Variants in GPR158 observed in about 807,000 individuals in gnomAD.
GPR158 encodes the protein metabotropic glycine receptor.
A neutral mutation model predicts 78.2 loss-of-function variants in GPR158; 30 were observed. That is an observed-to-expected ratio of 0.38 (90% CI 0.29 to 0.52). The LOEUF (loss-of-function observed/expected upper bound fraction) is 0.52. Among genes scored for constraint, GPR158 ranks in the 20% least tolerant of loss-of-function variants. The pLI, the probability that GPR158 is intolerant of heterozygous loss-of-function variation, is 0.83. For synonymous variants in GPR158, 581 were observed against 591.1 expected (o/e 0.98, Z 0.25); for missense variants, 1,463 against 1,523.5 (o/e 0.96, Z 0.66).
At position 25,466,724 on chromosome 10, in the gene GPR158, GTAAC is replaced by G; in HGVS notation, c.1404+6_1404+9del. 1 of 1,556,630 alleles carries G rather than the reference GTAAC, an allele frequency of 6.4e-7. No homozygotes were observed. The highest frequency in any genetic ancestry group is 8.8e-7 in the Non-Finnish European group (1 of 1,139,094). ...TCTCTGCTCCTATACTTTCCAGTAA[GTAAC>G]AGAATTTTGTTTTTAAAGTAGAAAT... is the stretch of plus-strand genomic sequence containing the variant. On this transcript the variant is annotated splice_donor_region_variant and intron_variant, in intron 5 of 10. Coordinates refer to ENST00000376351, the MANE Select transcript of GPR158 (RefSeq NM_020752.3).
chr10:25,384,478 C>G (rs1834196123), intron 2 of GPR158, among the ~76,000 whole-genome samples: 1 of 152,100 alleles, frequency 6.6e-6, no homozygotes, highest in African/African-American at 2.4e-5. Context: ...ATGTTAAATT[C>G]TGTTCATGGT....
chr10:25,293,010 G>A (rs969570874), intron 2 of GPR158, among the ~76,000 whole-genome samples: 5 of 152,144 alleles, frequency 3.3e-5, no homozygotes, highest in Admixed American at 6.5e-5. Context: ...TGAGAGATCT[G>A]ATCAGTTAAA....
In GPR158 at chr10:25,176,582, AG is replaced by A. The variant is rs1852537513; in HGVS notation, c.902+262del. The stretch of plus-strand genomic sequence containing the variant: ...AGTTTCCCCGCACTGGGCGAGGGAC[AG>A]GCAGCCCTTGGCAGGACGGAGACAC... On this transcript the variant is annotated intron_variant, in intron 1 of 10. Transcript: ENST00000376351. The surrounding 1 kb of genome is among the most constrained non-coding windows in gnomAD (Gnocchi z 6.3). 6.6e-6 allele frequency among the ~76,000 whole-genome samples: 1 copy of A among 152,194 alleles called. No homozygotes were observed. The highest frequency in any genetic ancestry group is 2.1e-4 in the South Asian group (1 of 4,834).
intron 3 of GPR158, among the ~76,000 whole-genome samples, chr10:25,411,801 G>C (rs1588850431): frequency 6.6e-6 from 1 of 151,808 alleles, no homozygotes; most frequent in East Asian, 1.9e-4. Flanking sequence ...CGGGCGTGGT[G>C]GTGGGCACCT....
At chr10:25,342,800 C>G (rs76020183) in intron 2 of GPR158, among the ~76,000 whole-genome samples, 3,793 of 142,298 alleles carry the variant, frequency 0.027, 169 homozygotes, top group African/African-American at 0.093. Flanking sequence ...TCTCAAATAA[C>G]TCAATTCTCT....
At chr10:25,298,658 A>G (rs61082972) in intron 2 of GPR158, among the ~76,000 whole-genome samples, 31,014 of 152,100 alleles carry the variant, frequency 0.2, 5,344 homozygotes, top group African/African-American at 0.48. Flanking sequence ...AAATTTTTGC[A>G]TGAATCATAA....
At chr10:25,372,152 A>T (rs1588831450) in intron 2 of GPR158, among the ~76,000 whole-genome samples, 1 of 151,790 alleles carries the variant, frequency 6.6e-6, no homozygotes, top group Non-Finnish European at 1.5e-5. Flanking sequence ...TCAAAACCAC[A>T]ATGAGATACC....
At chr10:25,344,635 A>G (rs931157163) in intron 2 of GPR158, among the ~76,000 whole-genome samples, 2 of 152,020 alleles carry the variant, frequency 1.3e-5, no homozygotes, top group African/African-American at 4.8e-5. Flanking sequence ...TTGCACCATG[A>G]TGAAGCCCAG....
chr10:25,280,728 T>TATGG (rs1854256764), intron 2 of GPR158, among the ~76,000 whole-genome samples: 1 of 152,198 alleles, frequency 6.6e-6, no homozygotes, highest in African/African-American at 2.4e-5. Context: ...TGTATGTATG[T>TATGG]ATGTATGTAT....
At chr10:25,460,784 T>C (rs919436269) in intron 4 of GPR158, among the ~76,000 whole-genome samples, 2 of 152,220 alleles carry the variant, frequency 1.3e-5, no homozygotes, top group African/African-American at 4.8e-5. Flanking sequence ...CCATGTGTCT[T>C]ACAAATTAAA....
At chr10:25,366,657 A>C (rs1048992200) in intron 2 of GPR158, among the ~76,000 whole-genome samples, 8 of 151,654 alleles carry the variant, frequency 5.3e-5, no homozygotes, top group Non-Finnish European at 1.0e-4. Flanking sequence ...AGTACAATGG[A>C]TCTCCTGAAC....
In GPR158 at chr10:25,221,054, G is replaced by C. The variant is rs758189065; in HGVS notation, c.905G>C (p.Gly302Ala). ...TTTTTATCCTTTTCTATTTCTAGGG[G>C]TGTCATGAAAGTTGACATAAATCTT... Reference protein sequence around the residue: ...LQPNLVPEFRGVMKVDINLQK... With the variant: ...LQPNLVPEFRAVMKVDINLQK... The change falls in exon 2 of 11, where the codon GGT (glycine) becomes GCT (alanine). Residue 302 changes from glycine to alanine, a missense_variant and splice_region_variant. Physicochemically the swap from Gly to Ala is moderately conservative, Grantham distance 60. Coordinates refer to ENST00000376351, the MANE Select transcript of GPR158 (RefSeq NM_020752.3). 1 of 1,461,936 alleles carries C rather than the reference G, an allele frequency of 6.8e-7. No homozygotes were observed. Among genetic ancestry groups the C allele is most frequent in the Admixed American group, 1.7e-5 (1 of 57,664 alleles). The allele number at this position is 1,461,936 out of a possible 1,614,324, so 90.6% of individuals were successfully genotyped here.
At chr10:25,436,484 C>T (rs966646766) in intron 4 of GPR158, among the ~76,000 whole-genome samples, 23 of 152,128 alleles carry the variant, frequency 1.5e-4, no homozygotes, top group African/African-American at 5.6e-4. Context: ...AAGGAAAATG[C>T]CCAGAGCTGA....
intron 2 of GPR158, among the ~76,000 whole-genome samples, chr10:25,341,999 T>C (rs1855309620): frequency 1.3e-5 from 2 of 151,990 alleles, no homozygotes; most frequent in African/African-American, 4.8e-5. Flanking sequence ...TTCCTGATAC[T>C]TATTGCTCTT....
intron 6 of GPR158, among the ~76,000 whole-genome samples, chr10:25,563,856 A>T (rs936109522): frequency 2.6e-5 from 4 of 152,122 alleles, no homozygotes; most frequent in African/African-American, 7.2e-5. Context: ...ACTTTATCTA[A>T]TAAGGTTAAT....
chr10:25,267,782 T>A lies in GPR158; in HGVS notation c.1008+46625T>A, dbSNP rs536288939. 3.3e-5 allele frequency among the ~76,000 whole-genome samples: 5 copies of A among 152,268 alleles called. No homozygotes were observed. The South Asian group carries it at 6.2e-4, about 19-fold the overall frequency. The stretch of plus-strand genomic sequence containing the variant: ...AAAATCTTATTTTTTACATATTTAA[T>A]GATAGGGCCCAGACTCTTGGTTATA... On this transcript the variant is annotated intron_variant, in intron 2 of 10. Transcript: ENST00000376351.
At chr10:25,317,738 T>A (rs1588795806) in intron 2 of GPR158, among the ~76,000 whole-genome samples, 3 of 145,470 alleles carry the variant, frequency 2.1e-5, no homozygotes, top group South Asian at 4.3e-4. Context: ...TTTGTTTTGT[T>A]TTGTTTTTGA....
At chr10:25,509,643 C>T (rs1836057541) in intron 5 of GPR158, among the ~76,000 whole-genome samples, 2 of 152,186 alleles carry the variant, frequency 1.3e-5, no homozygotes, top group Admixed American at 1.3e-4. Context: ...ACAAAACATG[C>T]CCATGTTCAA....
chr10:25,441,709 T>C (rs1460655321), intron 4 of GPR158, among the ~76,000 whole-genome samples: 2 of 152,200 alleles, frequency 1.3e-5, no homozygotes, highest in African/African-American at 4.8e-5. Flanking sequence ...CATTGACTTA[T>C]AACCTTGAAA....
Sources: gnomAD v4.1 joint callset for allele counts (sites outside exome capture counted in the v4.1 genomes callset) on GRCh38, gnomAD v4.1.1 for gene constraint, Gnocchi (gnomAD v3.1) non-coding constraint, MANE v1.5 for transcripts, NCBI Gene and HGNC (gene_info 2026-07-23, HGNC 2026-07-21) for gene names.